TRPS1: variants seen among roughly 807,000 people sequenced by gnomAD.
TRPS1 encodes the protein transcriptional repressor GATA binding 1.
In TRPS1, 6 loss-of-function variants were observed where a neutral mutation model predicts 101.2. The observed-to-expected ratio is 0.06, with a 90% CI of 0.03 to 0.12. The LOEUF is 0.12. TRPS1 is among the 10% of genes least tolerant of loss of function. The probability of loss-of-function intolerance (pLI) is 1.00; values close to 1 mark genes in which losing one functional copy is unlikely to be tolerated. For missense variants in TRPS1, 1,363 were observed against 1,567.0 expected (o/e 0.87, Z 2.20); for synonymous variants, 578 against 589.8 (o/e 0.98, Z 0.29).
chr8:115,591,631 G>A (rs974957046), intron 4 of TRPS1, among the ~76,000 whole-genome samples: 4 of 152,110 alleles, frequency 2.6e-5, no homozygotes, highest in South Asian at 2.1e-4. Flanking sequence ...TGAACCAACC[G>A]ACCTAGGCAA....
chr8:115,516,639 T>C (rs1045660343), intron 5 of TRPS1, among the ~76,000 whole-genome samples: 5 of 151,642 alleles, frequency 3.3e-5, no homozygotes, highest in Non-Finnish European at 7.4e-5. Flanking sequence ...ATTGCAAGGA[T>C]GACACATTGG....
chr8:115,637,287 T>C, intron 1 of TRPS1: 2 of 985,418 alleles, frequency 2.0e-6, no homozygotes, highest in Non-Finnish European at 2.4e-6. Context: ...TCCCAGTTGA[T>C]GAGGCTGGAC....
intron 5 of TRPS1, among the ~76,000 whole-genome samples, chr8:115,577,837 C>T (rs1329295179): frequency 6.6e-6 from 1 of 152,158 alleles, no homozygotes; most frequent in Admixed American, 6.6e-5. Flanking sequence ...TGTACTCCCT[C>T]AAAGCCCATG....
At chr8:115,536,880 G>A (rs900871216) in intron 5 of TRPS1, among the ~76,000 whole-genome samples, 1 of 150,866 alleles carries the variant, frequency 6.6e-6, no homozygotes, top group African/African-American at 2.4e-5. Flanking sequence ...TAAATTTGAA[G>A]GTCAGAATTT....
Position 115,413,919 on chromosome 8 carries a change from G to A in TRPS1, c.*104C>T, listed in dbSNP as rs576903339. 2.2e-4 allele frequency: 251 copies of A among 1,138,690 alleles called. 1 individual carries two copies. Among genetic ancestry groups the A allele is most frequent in the Non-Finnish European group, 2.8e-4 (224 of 799,294 alleles). The allele number at this position is 1,138,690 out of a possible 1,614,324, so 70.5% of individuals were successfully genotyped here. ...GGGAATTTCATGTTGGATAAGGCAG[G>A]CTCTATGAAGTATTTTTTTAATAGG... On this transcript the variant is annotated 3_prime_UTR_variant, in exon 7 of 7. Coordinates refer to ENST00000395715, the MANE Select transcript of TRPS1 (RefSeq NM_014112.5).
chr8:115,409,409 C>T lies in TRPS1; in HGVS notation c.*4614G>A, dbSNP rs1812736817. 1 of 151,958 alleles carries T rather than the reference C, an allele frequency of 6.6e-6. No homozygotes were observed. The highest frequency in any genetic ancestry group is 6.6e-5 in the Admixed American group (1 of 15,214). 9.4% of individuals were successfully genotyped at this position (151,958 alleles called of 1,614,324 possible). A position where few individuals can be genotyped will look rare whatever the true frequency, so the allele number is the denominator to read the frequency against. On this transcript the variant is annotated 3_prime_UTR_variant, in exon 7 of 7. Transcript: ENST00000395715. ...TTCTCCGGTGTAGGACAGAGTGAAGCTTACAGCTCTCCCTTTCCTTTCAAG... is the reference window on the plus strand; with the variant it reads ...TTCTCCGGTGTAGGACAGAGTGAAGTTTACAGCTCTCCCTTTCCTTTCAAG...
intron 5 of TRPS1, among the ~76,000 whole-genome samples, chr8:115,467,844 C>A (rs536128968): frequency 6.6e-6 from 1 of 152,246 alleles, no homozygotes; most frequent in African/African-American, 2.4e-5. Flanking sequence ...CATTTCTCCC[C>A]AGGTTGATCA....
chr8:115,529,469 C>T (rs1816078759), intron 5 of TRPS1, among the ~76,000 whole-genome samples: 1 of 152,154 alleles, frequency 6.6e-6, no homozygotes, highest in South Asian at 2.1e-4. Flanking sequence ...ATCCGGAAAT[C>T]ACTGAAAAAG....
At chr8:115,458,967 T>C (rs779487091) in intron 5 of TRPS1, among the ~76,000 whole-genome samples, 2 of 152,240 alleles carry the variant, frequency 1.3e-5, no homozygotes, top group Non-Finnish European at 2.9e-5. Flanking sequence ...AGCTATTTTG[T>C]CTTTCCAAAA....
intron 5 of TRPS1, among the ~76,000 whole-genome samples, chr8:115,531,408 A>G (rs1816128551): frequency 6.6e-6 from 1 of 152,210 alleles, no homozygotes; most frequent in South Asian, 2.1e-4. Flanking sequence ...TCCATTAACT[A>G]CGGCCCTAAC....
chr8:115,619,675 C>T lies in TRPS1; in HGVS notation c.423G>A (p.Pro141=), dbSNP rs7823278. Residue 141 remains proline, a synonymous_variant, in exon 3 of 7, where the codon CCG becomes CCA. Transcript: ENST00000395715. The part of the protein sequence containing the change: ...AGGVCEPLKS[P]QRAEADDPQD... Reference sequence around the variant, plus strand: ...GAGGGTCATCTGCCTCTGCTCTTTGCGGAGACTTCAAGGGCTCACAGACTC... The same window carrying T: ...GAGGGTCATCTGCCTCTGCTCTTTGTGGAGACTTCAAGGGCTCACAGACTC... 2 of 1,613,922 alleles carry T rather than the reference C, an allele frequency of 1.2e-6. No individual in the cohort carries two copies. The highest frequency in any genetic ancestry group is 1.1e-5 in the South Asian group (1 of 91,086).
At chr8:115,605,032 C>G (rs1478171626) in intron 3 of TRPS1, 30 bp from the exon 4 acceptor site, 2 of 1,607,924 alleles carry the variant, frequency 1.2e-6, no homozygotes, top group Non-Finnish European at 1.7e-6. Flanking sequence ...GACTTTACTT[C>G]CAAGGTGTCA....
chr8:115,518,881 C>A (rs1311209472), intron 5 of TRPS1, among the ~76,000 whole-genome samples: 2 of 151,792 alleles, frequency 1.3e-5, no homozygotes, highest in Non-Finnish European at 2.9e-5. Flanking sequence ...CATATACAGT[C>A]ATGTGTAAAG....
Position 115,623,758 on chromosome 8 carries a change from T to A in TRPS1, c.-121A>T. On this transcript the variant is annotated splice_region_variant and 5_prime_UTR_variant, in exon 2 of 7. An upstream start codon of the reference 5' UTR is lost. Transcript: ENST00000395715. ...GACATTTTGAGAGCTGATCTGTACA[T>A]CTGCAAAACAAAGCAAAAGAAAAAT... 6.8e-7 allele frequency: 1 copy of A among 1,475,510 alleles called. No homozygotes were observed. The highest frequency in any genetic ancestry group is 1.9e-4 in the Middle Eastern group (1 of 5,306). 91.4% of individuals were successfully genotyped at this position (1,475,510 alleles called of 1,614,324 possible).
intron 5 of TRPS1, among the ~76,000 whole-genome samples, chr8:115,468,107 C>T (rs779596229): frequency 2.0e-5 from 3 of 152,116 alleles, no homozygotes; most frequent in African/African-American, 4.8e-5. Flanking sequence ...TTCCGAAATA[C>T]GAATAGCATA....
intron 5 of TRPS1, among the ~76,000 whole-genome samples, chr8:115,545,614 A>G (rs1487033122): frequency 6.6e-6 from 1 of 152,064 alleles, no homozygotes; most frequent in Non-Finnish European, 1.5e-5. Context: ...AAATAAATAG[A>G]CCTATACTAT....
At chr8:115,551,931 T>A (rs183607376) in intron 5 of TRPS1, among the ~76,000 whole-genome samples, 1 of 152,288 alleles carries the variant, frequency 6.6e-6, no homozygotes, top group African/African-American at 2.4e-5. Flanking sequence ...AATGCCTGCC[T>A]TTTGCAGGTG....
intron 2 of TRPS1, among the ~76,000 whole-genome samples, chr8:115,621,822 A>C (rs946745853): frequency 6.6e-6 from 1 of 151,926 alleles, no homozygotes; most frequent in South Asian, 2.1e-4. Flanking sequence ...AGGCTGAGGC[A>C]GGAGAACTGC....
At chr8:115,616,762 A>G (rs923898981) in intron 3 of TRPS1, among the ~76,000 whole-genome samples, 2 of 152,152 alleles carry the variant, frequency 1.3e-5, no homozygotes, top group African/African-American at 4.8e-5. Flanking sequence ...CTTACTATAT[A>G]TTTCTGACAA....
Sources: allele counts gnomAD v4.1 joint callset (sites outside exome capture counted in the v4.1 genomes callset), GRCh38; gene constraint gnomAD v4.1.1; transcripts MANE v1.5; gene names NCBI Gene and HGNC (gene_info 2026-07-23, HGNC 2026-07-21).